The following PAPPA2 variants were observed in gnomAD, a reference collection of about 807,000 sequenced individuals.
PAPPA2 encodes pappalysin 2.
Under a neutral mutation model 176.4 loss-of-function variants are expected in PAPPA2, and 86 were observed. The observed-to-expected ratio is 0.49, with a 90% CI of 0.41 to 0.58. The LOEUF (loss-of-function observed/expected upper bound fraction) is 0.58, where lower values mean the gene tolerates loss of function less well. PAPPA2 is among the 20% of genes least tolerant of loss of function. The pLI is 0.00. For synonymous variants in PAPPA2, 809 were observed against 852.2 expected (o/e 0.95, Z 0.88); for missense variants, 2,073 against 2,256.9 (o/e 0.92, Z 1.65).
intron 1 of PAPPA2, among the ~76,000 whole-genome samples, chr1:176,527,257 G>A (rs1649549733): frequency 1.3e-5 from 2 of 152,354 alleles, no homozygotes; most frequent in South Asian, 4.1e-4. Context: ...GCCATATTGT[G>A]CAGAGTCCTA....
intron 3 of PAPPA2, among the ~76,000 whole-genome samples, chr1:176,597,615 A>G (rs1434583809): frequency 6.6e-6 from 1 of 152,110 alleles, no homozygotes; most frequent in Non-Finnish European, 1.5e-5. Flanking sequence ...GCAAACCACC[A>G]TGGCACGTGT....
In PAPPA2 at chr1:176,699,358, T is replaced by C. The variant is rs956036639; in HGVS notation, c.3005T>C (p.Phe1002Ser). The C allele has an allele frequency of 6.2e-7, 1 of 1,614,132 alleles. No homozygotes were observed. Among genetic ancestry groups the C allele is most frequent in the Non-Finnish European group, 8.5e-7 (1 of 1,180,016 alleles). Residue 1002 changes from phenylalanine (F) to serine (S), a missense_variant, in exon 8 of 23, where the codon TTC becomes TCC. By Grantham distance (155) the Phe-to-Ser change is radical. Coordinates refer to ENST00000367662, the MANE Select transcript of PAPPA2 (RefSeq NM_020318.3). ...GTGCACCTGGGCCCCTTAGACACTTTCTGTGACATCCCACTCACCATCAAA... is the reference window on the plus strand; with the variant it reads ...GTGCACCTGGGCCCCTTAGACACTTCCTGTGACATCCCACTCACCATCAAA... ...ESVHLGPLDT[F>S]CDIPLTIKLH...
At chr1:176,545,980 G>T (rs1045953613) in intron 1 of PAPPA2, among the ~76,000 whole-genome samples, 10 of 152,286 alleles carry the variant, frequency 6.6e-5, no homozygotes, top group African/African-American at 2.4e-4. Context: ...GAGGAAGGTG[G>T]CAGTGTGCAA....
intron 16 of PAPPA2, among the ~76,000 whole-genome samples, 169 bp downstream of exon 16, chr1:176,769,953 C>T (rs1003671603): frequency 6.6e-6 from 1 of 152,118 alleles, no homozygotes; most frequent in African/African-American, 2.4e-5. Context: ...ACTCTTTGTC[C>T]CCAACTACTT....
At chr1:176,560,851 T>G (rs1280002968) in intron 2 of PAPPA2, among the ~76,000 whole-genome samples, 3 of 152,216 alleles carry the variant, frequency 2.0e-5, no homozygotes, top group Non-Finnish European at 4.4e-5. Context: ...CCCAGCTGAG[T>G]AACCACCTGC....
At chr1:176,605,505 A>G (rs1356267914) in intron 3 of PAPPA2, among the ~76,000 whole-genome samples, 2 of 152,194 alleles carry the variant, frequency 1.3e-5, no homozygotes, top group African/African-American at 4.8e-5. Flanking sequence ...AATCTGCTAG[A>G]TTACTCATAG....
intron 14 of PAPPA2, 87 bp from the exon 15 acceptor site, chr1:176,765,579 A>G: frequency 7.6e-7 from 1 of 1,311,892 alleles, no homozygotes; most frequent in Non-Finnish European, 1.1e-6. Context: ...CTGGTTTAGG[A>G]GCCCTCCCAG....
intron 1 of PAPPA2, among the ~76,000 whole-genome samples, chr1:176,468,196 C>G (rs1651713446): frequency 6.6e-6 from 1 of 152,192 alleles, no homozygotes; most frequent in South Asian, 2.1e-4. Flanking sequence ...CTCTGAGATT[C>G]TTCCATCCTG....
intron 3 of PAPPA2, among the ~76,000 whole-genome samples, chr1:176,623,720 T>TTCTTTCTA (rs1655808772): frequency 7.5e-6 from 1 of 133,310 alleles, no homozygotes; most frequent in Non-Finnish European, 1.6e-5. Context: ...TCTTCTTTCT[T>TTCTTTCTA]TCTTTCTCTT....
intron 3 of PAPPA2, among the ~76,000 whole-genome samples, chr1:176,649,858 G>A (rs1044377671): frequency 6.6e-6 from 1 of 151,556 alleles, no homozygotes; most frequent in Non-Finnish European, 1.5e-5. Flanking sequence ...CTGATTAAAA[G>A]AGTGTGTATT....
chr1:176,584,185 A>G (rs550679732), intron 2 of PAPPA2, among the ~76,000 whole-genome samples: 6 of 152,230 alleles, frequency 3.9e-5, no homozygotes, highest in Non-Finnish European at 8.8e-5. Context: ...CATTCAGTCT[A>G]TAGACCAGTT....
intron 3 of PAPPA2, among the ~76,000 whole-genome samples, chr1:176,607,109 T>G (rs1230262240): frequency 6.6e-6 from 1 of 152,166 alleles, no homozygotes; most frequent in Non-Finnish European, 1.5e-5. Context: ...ATGTATTGAT[T>G]GGGTGCATGT....
At chr1:176,623,518 C>T (rs1230691470) in intron 3 of PAPPA2, among the ~76,000 whole-genome samples, 1 of 152,064 alleles carries the variant, frequency 6.6e-6, no homozygotes. Context: ...GTGGGACTGT[C>T]CCTAGTGAAG....
chr1:176,554,514 A>G (rs1651154209), intron 1 of PAPPA2, among the ~76,000 whole-genome samples: 1 of 152,228 alleles, frequency 6.6e-6, no homozygotes, highest in South Asian at 2.1e-4. Flanking sequence ...GCCTTTATCT[A>G]GGCATCTAGG....
At chr1:176,720,205 A>C (rs1040180501) in intron 12 of PAPPA2, among the ~76,000 whole-genome samples, 1 of 152,170 alleles carries the variant, frequency 6.6e-6, no homozygotes, top group Non-Finnish European at 1.5e-5. Context: ...TAGGTGAATT[A>C]TCTCTTTTAA....
intron 12 of PAPPA2, among the ~76,000 whole-genome samples, chr1:176,729,634 A>G (rs1409306686): frequency 2.0e-5 from 3 of 152,122 alleles, no homozygotes; most frequent in African/African-American, 4.8e-5. Context: ...AAGCAAGAGC[A>G]GACAAATTCA....
intron 3 of PAPPA2, among the ~76,000 whole-genome samples, chr1:176,644,566 A>C (rs180945080): frequency 6.6e-6 from 1 of 151,828 alleles, no homozygotes; most frequent in Non-Finnish European, 1.5e-5. Flanking sequence ...GTTGAGAAAC[A>C]TGTAGTCTAT....
chr1:176,806,284 C>T (rs1665906450), intron 21 of PAPPA2, among the ~76,000 whole-genome samples: 1 of 152,170 alleles, frequency 6.6e-6, no homozygotes, highest in South Asian at 2.1e-4. Context: ...CTACCAACTC[C>T]TGAGTGGCAG....
At chr1:176,707,342 GT>G (rs1331767467) in intron 10 of PAPPA2, among the ~76,000 whole-genome samples, 1 of 152,000 alleles carries the variant, frequency 6.6e-6, no homozygotes, top group Non-Finnish European at 1.5e-5. Context: ...TAGAATGTTG[GT>G]GGTCCTCTCT....
Sources: allele counts gnomAD v4.1 joint callset (sites outside exome capture counted in the v4.1 genomes callset), GRCh38; gene constraint gnomAD v4.1.1; transcripts MANE v1.5; gene names NCBI Gene and HGNC (gene_info 2026-07-23, HGNC 2026-07-21).